Variants in DMD observed in about 807,000 individuals in gnomAD.
DMD encodes mutant dystrophin.
Under a neutral mutation model 330.1 loss-of-function variants are expected in DMD, and 63 were observed. The observed-to-expected ratio is 0.19, with a 90% confidence interval of 0.16 to 0.24. DMD has a LOEUF of 0.24. DMD is among the 10% of genes least tolerant of loss of function. The pLI is 1.00. For missense variants in DMD, 3,344 were observed against 2,684.1 expected (o/e 1.25, Z -5.43); for synonymous variants, 1,223 against 959.8 (o/e 1.27, Z -5.07).
chrX:32,200,607 C>T, intron 44 of DMD, among the ~76,000 whole-genome samples: 1 of 103,718 alleles, frequency 9.6e-6, no homozygotes, highest in Non-Finnish European at 2.1e-5. Flanking sequence ...TGTAATCACA[C>T]ACATATATAA....
At chrX:32,593,132 G>A (rs903352513) in intron 13 of DMD, among the ~76,000 whole-genome samples, 11 of 112,868 alleles carry the variant, frequency 9.7e-5, no homozygotes, top group South Asian at 7.2e-4. Flanking sequence ...GGAGCCCAGC[G>A]GGCACAAGCA....
chrX:32,566,778 T>C (rs757519262), intron 15 of DMD, among the ~76,000 whole-genome samples: 1 of 111,690 alleles, frequency 9.0e-6, no homozygotes, highest in Non-Finnish European at 1.9e-5. Flanking sequence ...CTTTGCCTGA[T>C]ACACAGACAA....
intron 7 of DMD, among the ~76,000 whole-genome samples, chrX:32,723,420 G>T (rs187576402): frequency 1.8e-5 from 2 of 111,229 alleles, no homozygotes; most frequent in South Asian, 3.8e-4. Context: ...CGTATTTAGG[G>T]TGATGCTGAA....
intron 62 of DMD, among the ~76,000 whole-genome samples, chrX:31,302,012 G>A (rs2054683602): frequency 8.9e-6 from 1 of 111,959 alleles, no homozygotes; most frequent in African/African-American, 3.3e-5. Context: ...ACACTAACAA[G>A]CTTCCAATGA....
At chrX:32,248,328 G>A (rs1039155746) in intron 43 of DMD, among the ~76,000 whole-genome samples, 1 of 111,495 alleles carries the variant, frequency 9.0e-6, no homozygotes, top group Admixed American at 9.6e-5. Context: ...GTTAACATTA[G>A]TTAAAACACT....
At chrX:32,477,725 T>C (rs1163769027) in intron 21 of DMD, among the ~76,000 whole-genome samples, 1 of 106,295 alleles carries the variant, frequency 9.4e-6, no homozygotes, top group Non-Finnish European at 1.9e-5. Context: ...TATAACACTT[T>C]ACTGAAAAAA....
rs2057676054 is a variant in DMD, at chrX:31,340,599, T to C, written c.9163+7957A>G. On this transcript the variant is annotated intron_variant, in intron 61 of 78. Coordinates refer to ENST00000357033, the MANE Select transcript of DMD (RefSeq NM_004006.3). ...TTTTGAAGTCAGCCTTTTCCCTTAA[T>C]GTATTACATGGTACAGTCGACTTTG... 5.3e-5 allele frequency among the ~76,000 whole-genome samples: 6 copies of C among 112,307 alleles called. No homozygotes were observed. In the Admixed American group the frequency reaches 5.7e-4, roughly 11 times the overall value.
At chrX:32,857,070 G>T (rs1457498081) in intron 2 of DMD, among the ~76,000 whole-genome samples, 1 of 103,475 alleles carries the variant, frequency 9.7e-6, no homozygotes, top group African/African-American at 3.6e-5. Flanking sequence ...GCAAGACTGC[G>T]TCTCAAAAAA....
intron 9 of DMD, among the ~76,000 whole-genome samples, chrX:32,686,123 T>C (rs1206129283): frequency 8.9e-6 from 1 of 111,926 alleles, no homozygotes; most frequent in Non-Finnish European, 1.9e-5. Context: ...AAGTTTATGT[T>C]GATTAACCAA....
intron 44 of DMD, among the ~76,000 whole-genome samples, chrX:32,088,040 T>C (rs1401546552): frequency 2.7e-5 from 3 of 112,445 alleles, no homozygotes; most frequent in Non-Finnish European, 5.6e-5. Context: ...CCTTCGTCTA[T>C]AATATGGGTG....
At chrX:33,327,543 T>A (rs2054105834) in intron 1 of DMD, among the ~76,000 whole-genome samples, 1 of 111,547 alleles carries the variant, frequency 9.0e-6, no homozygotes, top group Non-Finnish European at 1.9e-5. Flanking sequence ...AAAATTGTAT[T>A]TATTCAATAC....
chrX:33,045,481 A>G (rs1454176085), intron 1 of DMD, among the ~76,000 whole-genome samples: 1 of 111,682 alleles, frequency 9.0e-6, no homozygotes, highest in Non-Finnish European at 1.9e-5. Flanking sequence ...GATTTCACTG[A>G]CAGAGGTCAA....
intron 11 of DMD, among the ~76,000 whole-genome samples, chrX:32,641,884 A>G (rs1203696761): frequency 1.8e-5 from 2 of 110,927 alleles, no homozygotes; most frequent in Admixed American, 9.7e-5. Flanking sequence ...ATATATTTAG[A>G]AAAAAAATAG....
At chrX:31,943,929 A>AGAG in intron 45 of DMD, among the ~76,000 whole-genome samples, 3 of 69,277 alleles carry the variant, frequency 4.3e-5, no homozygotes, top group Admixed American at 1.7e-4. Context: ...GAGAGAGAGA[A>AGAG]AAGGGAACAT....
chrX:31,404,592 T>C (rs973713241), intron 60 of DMD, among the ~76,000 whole-genome samples: 5 of 112,199 alleles, frequency 4.5e-5, no homozygotes, highest in Admixed American at 2.8e-4. Context: ...ATTATAAAAT[T>C]GCATTTAGAT....
intron 7 of DMD, among the ~76,000 whole-genome samples, chrX:32,709,012 G>A (rs1322019741): frequency 1.8e-5 from 2 of 111,907 alleles, no homozygotes; most frequent in African/African-American, 6.5e-5. Flanking sequence ...AGCACTACTG[G>A]AGGCATGCTG....
intron 17 of DMD, among the ~76,000 whole-genome samples, chrX:32,527,384 T>G (rs759134296): frequency 8.9e-6 from 1 of 111,775 alleles, no homozygotes; most frequent in Non-Finnish European, 1.9e-5. Context: ...GAAGACATTT[T>G]AATTCCATAT....
At chrX:32,332,750 G>A (rs1485212429) in intron 41 of DMD, among the ~76,000 whole-genome samples, 2 of 111,105 alleles carry the variant, frequency 1.8e-5, no homozygotes, top group Non-Finnish European at 3.8e-5. Context: ...TTCATTGAAG[G>A]ATTATGATCA....
intron 25 of DMD, among the ~76,000 whole-genome samples, chrX:32,460,748 A>G (rs1032852357): frequency 1.8e-5 from 2 of 111,453 alleles, no homozygotes; most frequent in African/African-American, 6.5e-5. Context: ...CTCTTCAGAA[A>G]ACACTCTACT....
Sources: gnomAD v4.1 joint callset for allele counts (sites outside exome capture counted in the v4.1 genomes callset) on GRCh38, gnomAD v4.1.1 for gene constraint, MANE v1.5 for transcripts, NCBI Gene and HGNC (gene_info 2026-07-23, HGNC 2026-07-21) for gene names.